Variants in MALRD1 observed in about 807,000 individuals in gnomAD.
MALRD1 encodes the protein MAM and LDL-receptor class A domain-containing protein 1.
In MALRD1, 247 loss-of-function variants were observed where a neutral mutation model predicts 242.1. The observed-to-expected ratio is 1.02, with a 90% confidence interval of 0.92 to 1.13. The LOEUF (loss-of-function observed/expected upper bound fraction) is 1.13, where lower values mean the gene tolerates loss of function less well. MALRD1 is among the 50% of genes most tolerant of loss of function. MALRD1 has a pLI of 0.00. For missense variants in MALRD1, 2,989 were observed against 2,533.1 expected (o/e 1.18, Z -3.86); for synonymous variants, 995 against 866.6 (o/e 1.15, Z -2.60).
rs561828574 is a variant in MALRD1, at chr10:19,305,671, C to T, written c.3420-18278C>T. Among the ~76,000 whole-genome samples the T allele has an allele frequency of 6.0e-5, 9 of 149,950 alleles. No individual in the cohort carries two copies. In the South Asian group the frequency reaches 1.7e-3, roughly 28 times the overall value. ...CCCTGTTAGAGGATAATACCTACTT[C>T]TTAAAGTAACTTAATCCTGATATTA... On this transcript the variant is annotated intron_variant, in intron 21 of 39. Transcript: ENST00000454679.
intron 36 of MALRD1, among the ~76,000 whole-genome samples, chr10:19,667,179 A>G (rs559595925): frequency 6.6e-6 from 1 of 152,262 alleles, no homozygotes; most frequent in Admixed American, 6.5e-5. Context: ...GACTGAGGCC[A>G]GGTTCTGTGG....
At chr10:19,524,926 G>A (rs1271203393) in intron 31 of MALRD1, among the ~76,000 whole-genome samples, 5 of 151,416 alleles carry the variant, frequency 3.3e-5, no homozygotes, top group Admixed American at 3.3e-4. Context: ...ATTTTGAGAT[G>A]GAGTTTTGCT....
intron 36 of MALRD1, among the ~76,000 whole-genome samples, chr10:19,662,137 A>G (rs987793070): frequency 1.4e-4 from 22 of 151,996 alleles, no homozygotes; most frequent in Non-Finnish European, 2.8e-4. Flanking sequence ...TCCTAGGAAG[A>G]AAAAAAATAA....
chr10:19,546,966 A>T (rs566124277), intron 32 of MALRD1, among the ~76,000 whole-genome samples: 1 of 152,280 alleles, frequency 6.6e-6, no homozygotes, highest in Non-Finnish European at 1.5e-5. Context: ...CAGCTTAGAA[A>T]TTCATTTTTT....
At chr10:19,491,135 G>T in intron 29 of MALRD1, 2 of 403,022 alleles carry the variant, frequency 5.0e-6, no homozygotes, top group South Asian at 2.2e-5. Flanking sequence ...GGAGCATTAC[G>T]AGCAGCACAA....
intron 18 of MALRD1, among the ~76,000 whole-genome samples, chr10:19,242,636 T>A (rs1041778791): frequency 6.6e-6 from 1 of 152,136 alleles, no homozygotes. Context: ...AAGTAATATA[T>A]ATGTTATGTC....
chr10:19,094,455 C>T (rs886258522), intron 4 of MALRD1, among the ~76,000 whole-genome samples: 11 of 148,762 alleles, frequency 7.4e-5, no homozygotes, highest in Middle Eastern at 3.4e-3. Flanking sequence ...TCGGCTCGCG[C>T]ACGGTGTGCA....
rs1835248864 is a variant in MALRD1, at chr10:19,450,296, T to A, written c.4846-11T>A. The A allele has an allele frequency of 6.5e-7, 1 of 1,543,314 alleles. No homozygotes were observed. ...TGATTATTTCCCTCATACAAACTTC[T>A]TTACTTTCAGACAGAGAAAGGACTA... On this transcript the variant is annotated splice_polypyrimidine_tract_variant and intron_variant, in intron 28 of 39. Coordinates refer to ENST00000454679, the MANE Select transcript of MALRD1 (RefSeq NM_001142308.3).
chr10:19,655,073 T>C (rs1407508205), intron 36 of MALRD1, among the ~76,000 whole-genome samples: 3 of 152,156 alleles, frequency 2.0e-5, no homozygotes, highest in Non-Finnish European at 2.9e-5. Context: ...TTCTATGGAA[T>C]AAGAATCATG....
At chr10:19,447,073 C>CACAA (rs1835034872) in intron 28 of MALRD1, among the ~76,000 whole-genome samples, 1 of 118,344 alleles carries the variant, frequency 8.4e-6, no homozygotes, top group Non-Finnish European at 1.8e-5. Context: ...TACACAGACA[C>CACAA]ACACACACAC....
intron 32 of MALRD1, among the ~76,000 whole-genome samples, chr10:19,558,362 A>G (rs1311393178): frequency 2.0e-5 from 3 of 152,136 alleles, no homozygotes; most frequent in East Asian, 3.9e-4. Flanking sequence ...TAAGGATGAT[A>G]TTAGCTATAG....
chr10:19,683,068 C>A (rs939646086), intron 36 of MALRD1, among the ~76,000 whole-genome samples: 6 of 151,278 alleles, frequency 4.0e-5, no homozygotes, highest in Non-Finnish European at 7.4e-5. Flanking sequence ...CCGAGGCAGG[C>A]AGATCACTTG....
At chr10:19,684,584 C>T (rs943361) in intron 36 of MALRD1, among the ~76,000 whole-genome samples, 139,905 of 152,110 alleles carry the variant, frequency 0.92, 64,414 homozygotes, top group East Asian at 0.95. Flanking sequence ...GGCGAAACCC[C>T]GTCTCTACTA....
At chr10:19,462,387 C>T (rs1321716823) in intron 29 of MALRD1, among the ~76,000 whole-genome samples, 2 of 152,228 alleles carry the variant, frequency 1.3e-5, no homozygotes, top group African/African-American at 4.8e-5. Flanking sequence ...AAATCTGCTT[C>T]TCATAGAAAC....
chr10:19,490,807 G>A (rs1039657463), intron 29 of MALRD1, among the ~76,000 whole-genome samples: 4 of 151,942 alleles, frequency 2.6e-5, no homozygotes, highest in African/African-American at 9.7e-5. Context: ...TTTTTTATAC[G>A]AGGATGAGTA....
chr10:19,171,450 ATATATATACACACATG>A (rs1180730053), intron 13 of MALRD1, among the ~76,000 whole-genome samples: 10 of 94,736 alleles, frequency 1.1e-4, no homozygotes, highest in South Asian at 8.4e-4. Flanking sequence ...ATATATATAT[ATATATATACACACATG>A]TATATACACA....
chr10:19,257,095 G>A (rs554466420), intron 18 of MALRD1, among the ~76,000 whole-genome samples: 5 of 152,080 alleles, frequency 3.3e-5, no homozygotes, highest in South Asian at 2.1e-4. Context: ...TGGAACTGCC[G>A]CTCCTGCAGC....
chr10:19,603,113 A>G (rs1296240792), intron 34 of MALRD1, among the ~76,000 whole-genome samples: 2 of 152,006 alleles, frequency 1.3e-5, no homozygotes, highest in Non-Finnish European at 2.9e-5. Flanking sequence ...AGATGAGTAG[A>G]TTGCAAAAAT....
intron 38 of MALRD1, among the ~76,000 whole-genome samples, chr10:19,718,915 C>T (rs895546639): frequency 6.6e-6 from 1 of 151,344 alleles, no homozygotes; most frequent in Non-Finnish European, 1.5e-5. Flanking sequence ...GCCTTTAATC[C>T]CAGTGCTTTG....
Sources: allele counts gnomAD v4.1 joint callset (sites outside exome capture counted in the v4.1 genomes callset), GRCh38; gene constraint gnomAD v4.1.1; transcripts MANE v1.5; gene names NCBI Gene and HGNC (gene_info 2026-07-23, HGNC 2026-07-21).